Variants in NEDD9 observed in about 807,000 individuals in gnomAD.
The protein encoded by NEDD9 is enhancer of filamentation 1.
Under a neutral mutation model 76.6 loss-of-function variants are expected in NEDD9, and 26 were observed. That is an observed-to-expected ratio of 0.34 (90% CI 0.25 to 0.47). NEDD9 has a LOEUF of 0.47. Among genes scored for constraint, NEDD9 ranks in the 20% least tolerant of loss-of-function variants. NEDD9 has a pLI of 1.00. For missense variants in NEDD9, 937 were observed against 1,058.5 expected (o/e 0.89, Z 1.59); for synonymous variants, 392 against 414.2 (o/e 0.95, Z 0.65).
intron 1 of NEDD9, among the ~76,000 whole-genome samples, chr6:11,363,510 A>T (rs1290648261): frequency 6.6e-6 from 1 of 152,176 alleles, no homozygotes; most frequent in African/African-American, 2.4e-5. Context: ...CATGTGGGGC[A>T]TTAAGTACCA....
At chr6:11,192,274 C>G in intron 4 of NEDD9, 71 bp downstream of exon 4, 1 of 334,354 alleles carries the variant, frequency 3.0e-6, no homozygotes. Flanking sequence ...CCCACCCTCC[C>G]AACCCTGCAC....
At chr6:11,246,953 C>T (rs999252832) in intron 3 of NEDD9, among the ~76,000 whole-genome samples, 12 of 152,044 alleles carry the variant, frequency 7.9e-5, no homozygotes, top group Admixed American at 6.5e-4. Flanking sequence ...TGCCCTGCAA[C>T]CTCCCACATC....
intron 1 of NEDD9, among the ~76,000 whole-genome samples, chr6:11,374,680 A>G (rs1292415236): frequency 2.0e-5 from 3 of 152,238 alleles, no homozygotes; most frequent in African/African-American, 7.2e-5. Context: ...GATGAGCACT[A>G]TATGAAATTT....
At chr6:11,191,413 C>T (rs967020332) in intron 4 of NEDD9, among the ~76,000 whole-genome samples, 5 of 151,966 alleles carry the variant, frequency 3.3e-5, no homozygotes, top group South Asian at 2.1e-4. Context: ...GGTGCAGACT[C>T]GTATGTACAA....
At chr6:11,289,010 G>T (rs1218575759) in intron 3 of NEDD9, among the ~76,000 whole-genome samples, 1 of 152,188 alleles carries the variant, frequency 6.6e-6, no homozygotes, top group Admixed American at 6.5e-5. Flanking sequence ...AAGTCCTTTG[G>T]AGGTATCTAA....
chr6:11,222,912 G>C (rs1759189129), intron 1 of NEDD9, among the ~76,000 whole-genome samples: 1 of 152,258 alleles, frequency 6.6e-6, no homozygotes. Flanking sequence ...TTTTTAAGGA[G>C]AAGGAGTAGA....
chr6:11,290,588 C>G (rs1445837510), intron 3 of NEDD9, among the ~76,000 whole-genome samples: 1 of 152,102 alleles, frequency 6.6e-6, no homozygotes, highest in Non-Finnish European at 1.5e-5. Context: ...GCAGAGTGGT[C>G]GTCCTCCTCC....
intron 3 of NEDD9, among the ~76,000 whole-genome samples, chr6:11,297,938 C>T (rs901470582): frequency 9.7e-5 from 14 of 143,824 alleles, no homozygotes; most frequent in Admixed American, 1.4e-4. Context: ...GACAGAGTCT[C>T]GCTTTGTCGC....
chr6:11,264,367 T>C (rs1760166274), intron 3 of NEDD9, among the ~76,000 whole-genome samples: 1 of 152,070 alleles, frequency 6.6e-6, no homozygotes, highest in African/African-American at 2.4e-5. Context: ...CCCGCGCTCA[T>C]AGGTCACTGC....
At chr6:11,319,740 ACACACACACTAACATG>A (rs1761733810) in intron 2 of NEDD9, among the ~76,000 whole-genome samples, 3 of 126,338 alleles carry the variant, frequency 2.4e-5, no homozygotes, top group South Asian at 2.8e-4. Context: ...ACTAACATGC[ACACACACACTAACATG>A]CACACTAACA....
At chr6:11,328,470 GA>G (rs1465795581) in intron 2 of NEDD9, 1 of 152,212 alleles carries the variant, frequency 6.6e-6, no homozygotes, top group Non-Finnish European at 1.5e-5. Flanking sequence ...CTGGATAAAA[GA>G]AAAGAGCACA....
intron 1 of NEDD9, among the ~76,000 whole-genome samples, chr6:11,224,445 C>G (rs375709459): frequency 4.6e-5 from 7 of 152,070 alleles, no homozygotes; most frequent in Non-Finnish European, 1.0e-4. Flanking sequence ...GTCAGGGAAG[C>G]GGAGATAGCA....
At position 11,190,862 on chromosome 6, in the gene NEDD9, G is replaced by A. The variant is rs1264683187; in HGVS notation, c.1007C>T (p.Ala336Val). 1.2e-6 allele frequency: 2 copies of A among 1,613,988 alleles called. No homozygotes were observed. The highest frequency in any genetic ancestry group is 1.7e-6 in the Non-Finnish European group (2 of 1,180,030). Reference sequence around the variant, plus strand: ...AACACCATCCCTTTCCTGGGGGTTTGCTTTCTCACTGGTTTCTGCTGGTGG... The same window carrying A: ...AACACCATCCCTTTCCTGGGGGTTTACTTTCTCACTGGTTTCTGCTGGTGG... ...LEPPAETSEKANPQERDGVYD... is the reference protein window; with the variant it reads ...LEPPAETSEKVNPQERDGVYD... Residue 336 changes from alanine to valine, a missense_variant, in exon 5 of 7, where the codon GCA (alanine) becomes GTA (valine). Physicochemically the swap from Ala to Val is moderately conservative, Grantham distance 64. Coordinates refer to ENST00000379446, the MANE Select transcript of NEDD9 (RefSeq NM_006403.4). This position sits in a 1 kb window ranked among gnomAD's most constrained non-coding sequence, Gnocchi z 5.8.
chr6:11,205,515 G>A (rs923890950), intron 2 of NEDD9, among the ~76,000 whole-genome samples: 7 of 152,210 alleles, frequency 4.6e-5, no homozygotes, highest in Non-Finnish European at 8.8e-5. Flanking sequence ...ATAAATCAGA[G>A]GCGATTGTGG....
intron 3 of NEDD9, among the ~76,000 whole-genome samples, chr6:11,242,465 A>G (rs1402789208): frequency 6.6e-6 from 1 of 152,074 alleles, no homozygotes; most frequent in African/African-American, 2.4e-5. Flanking sequence ...AGTGACAAGA[A>G]GAAAGGCTGT....
At chr6:11,221,106 C>T (rs67172221) in intron 1 of NEDD9, among the ~76,000 whole-genome samples, 17,385 of 152,066 alleles carry the variant, frequency 0.11, 1,204 homozygotes, top group Middle Eastern at 0.23. Context: ...GTGGAGGCCG[C>T]GCACGGTGGC....
chr6:11,277,519 G>A (rs892196073), intron 3 of NEDD9, among the ~76,000 whole-genome samples: 1 of 152,130 alleles, frequency 6.6e-6, no homozygotes, highest in African/African-American at 2.4e-5. Flanking sequence ...GACAGGCATG[G>A]GCAGGGGGTG....
At chr6:11,246,296 C>T (rs1006457355) in intron 3 of NEDD9, among the ~76,000 whole-genome samples, 5 of 152,186 alleles carry the variant, frequency 3.3e-5, no homozygotes, top group Non-Finnish European at 4.4e-5. Flanking sequence ...CAACTTGCCT[C>T]AGGTTGAGAG....
chr6:11,354,608 G>A (rs1281275160), intron 1 of NEDD9, among the ~76,000 whole-genome samples: 3 of 152,124 alleles, frequency 2.0e-5, no homozygotes, highest in Non-Finnish European at 2.9e-5. Context: ...GACTACCATG[G>A]ACATTTGCTG....
Sources: gnomAD v4.1 joint callset for allele counts (sites outside exome capture counted in the v4.1 genomes callset) on GRCh38, gnomAD v4.1.1 for gene constraint, Gnocchi (gnomAD v3.1) non-coding constraint, MANE v1.5 for transcripts, NCBI Gene and HGNC (gene_info 2026-07-23, HGNC 2026-07-21) for gene names.